The following RAP2A variants were observed in gnomAD, a reference collection of about 807,000 sequenced individuals.
The protein encoded by RAP2A is ras-related protein Rap-2a.
A neutral mutation model predicts 15.1 loss-of-function variants in RAP2A; 5 were observed. That is an observed-to-expected ratio of 0.33 (90% CI 0.17 to 0.70). RAP2A has a LOEUF of 0.70. RAP2A is among the 30% of genes least tolerant of loss of function. The pLI, the probability that RAP2A is intolerant of heterozygous loss-of-function variation, is 0.68. For missense variants in RAP2A, 111 were observed against 240.3 expected (o/e 0.46, Z 3.56); for synonymous variants, 110 against 99.7 (o/e 1.10, Z -0.62).
At chr13:97,463,115 CACAA>C (rs1289134691) in intron 1 of RAP2A, among the ~76,000 whole-genome samples, 2 of 138,828 alleles carry the variant, frequency 1.4e-5, no homozygotes, top group East Asian at 2.0e-4. Flanking sequence ...GACACACACA[CACAA>C]ACACACACAC....
At position 97,467,686 on chromosome 13, in the gene RAP2A, T is replaced by TA. The variant is rs1026634529; in HGVS notation, c.*3244_*3245insA. The TA allele has an allele frequency of 5.2e-5, 8 of 152,412 alleles. No individual in the cohort carries two copies. Among genetic ancestry groups the TA allele is most frequent in the African/African-American group, 1.4e-4 (6 of 41,488 alleles). 9.4% of individuals were successfully genotyped at this position (152,412 alleles called of 1,614,324 possible). ...TAAGGACTATGGAGGTCTTTTTTTT[T>TA]TTATTTAACATGTCATTGTTCATCT... On this transcript the variant is annotated 3_prime_UTR_variant, in exon 2 of 2. Transcript: ENST00000245304.
rs199631155 is a variant in RAP2A at position 97,442,029 on chromosome 13, CAGAG to C, written c.314+7249_314+7252del. The stretch of plus-strand genomic sequence containing the variant: ...TCATTAAAAATTATTCTCAGCCTGA[CAGAG>C]AGAAGTTTAATTTCTTAAACATCCT... On this transcript the variant is annotated intron_variant, in intron 1 of 1. Coordinates refer to ENST00000245304, the MANE Select transcript of RAP2A (RefSeq NM_021033.7). 7.5e-3 allele frequency among the ~76,000 whole-genome samples: 1,138 copies of C among 152,196 alleles called. 12 individuals carry two copies. Among genetic ancestry groups the C allele is most frequent in the Middle Eastern group, 0.024 (7 of 294 alleles).
At chr13:97,444,685 A>G (rs2066672590) in intron 1 of RAP2A, among the ~76,000 whole-genome samples, 1 of 152,186 alleles carries the variant, frequency 6.6e-6, no homozygotes, top group Admixed American at 6.5e-5. Flanking sequence ...ACAGAAATAT[A>G]TTTTTAAAGA....
rs903485954 is a variant in RAP2A at position 97,468,029 on chromosome 13, A to G, written c.*3587A>G. 4 of 152,220 alleles carry G rather than the reference A, an allele frequency of 2.6e-5. No homozygotes were observed. Among genetic ancestry groups the G allele is most frequent in the African/African-American group, 9.7e-5 (4 of 41,450 alleles). 9.4% of individuals were successfully genotyped at this position (152,220 alleles called of 1,614,324 possible). On this transcript the variant is annotated 3_prime_UTR_variant, in exon 2 of 2. Transcript: ENST00000245304. ...TTTGTTTTGTACATGCTCATGAGAG[A>G]AATGTATTATATACAAAAACAATTA...
intron 1 of RAP2A, among the ~76,000 whole-genome samples, chr13:97,452,677 G>A (rs569787042): frequency 1.4e-5 from 2 of 141,786 alleles, no homozygotes; most frequent in African/African-American, 5.0e-5. Flanking sequence ...CACAACCAAC[G>A]GAACCTTCTG....
intron 1 of RAP2A, among the ~76,000 whole-genome samples, chr13:97,447,375 A>C (rs1169684015): frequency 6.6e-6 from 1 of 152,182 alleles, no homozygotes; most frequent in African/African-American, 2.4e-5. Context: ...CTGTTTATAA[A>C]AGTAATTGAT....
intron 1 of RAP2A, among the ~76,000 whole-genome samples, chr13:97,453,374 T>G (rs2066710456): frequency 6.6e-6 from 1 of 151,240 alleles, no homozygotes; most frequent in Non-Finnish European, 1.5e-5. Flanking sequence ...CCCTCCTTCC[T>G]TCCATTCCCC....
intron 1 of RAP2A, among the ~76,000 whole-genome samples, chr13:97,442,308 GT>G (rs2153179235): frequency 6.6e-6 from 1 of 151,986 alleles, no homozygotes. Context: ...ATTTGTTTTT[GT>G]TTTTTATTTC....
chr13:97,458,816 T>C (rs1341117482), intron 1 of RAP2A, among the ~76,000 whole-genome samples: 1 of 151,994 alleles, frequency 6.6e-6, no homozygotes, highest in Non-Finnish European at 1.5e-5. Flanking sequence ...TCAAGTTCTT[T>C]TGAGTTACTG....
At position 97,464,238 on chromosome 13, in the gene RAP2A, C is replaced by T; in HGVS notation, c.348C>T (p.Asn116=). 4 of 1,614,184 alleles carry T rather than the reference C, an allele frequency of 2.5e-6. No individual in the cohort carries two copies. The highest frequency in any genetic ancestry group is 3.4e-6 in the Non-Finnish European group (4 of 1,180,032). ...AAGTGCCAGTCATCTTGGTTGGGAA[C>T]AAAGTGGACCTGGAAAGTGAGAGAG... ...YEKVPVILVG[N]KVDLESEREV... The change falls in exon 2 of 2, where the codon AAC becomes AAT. Residue 116 remains asparagine, a synonymous_variant. Transcript: ENST00000245304.
intron 1 of RAP2A, among the ~76,000 whole-genome samples, chr13:97,435,589 TTA>T (rs940622037): frequency 3.3e-5 from 5 of 150,878 alleles, no homozygotes; most frequent in Non-Finnish European, 7.4e-5. Context: ...TAATAAGCCT[TTA>T]TATATATATA....
At position 97,466,143 on chromosome 13, in the gene RAP2A, T is replaced by C. The variant is rs1236978757; in HGVS notation, c.*1701T>C. On this transcript the variant is annotated 3_prime_UTR_variant, in exon 2 of 2. Coordinates refer to ENST00000245304, the MANE Select transcript of RAP2A (RefSeq NM_021033.7). ...TTCTTTTAAATTATTAAAGTGTCTT[T>C]TATACTTTTATGAAATCATTGGTAG... 6.6e-6 allele frequency: 1 copy of C among 152,148 alleles called. No homozygotes were observed. Among genetic ancestry groups the C allele is most frequent in the Non-Finnish European group, 1.5e-5 (1 of 68,032 alleles). 9.4% of individuals were successfully genotyped at this position (152,148 alleles called of 1,614,324 possible).
chr13:97,448,724 G>GA (rs2066689907), intron 1 of RAP2A, among the ~76,000 whole-genome samples: 1 of 152,076 alleles, frequency 6.6e-6, no homozygotes, highest in Admixed American at 6.5e-5. Flanking sequence ...AATTTACCCA[G>GA]AAAAAAACTC....
At chr13:97,461,840 G>A (rs949580325) in intron 1 of RAP2A, among the ~76,000 whole-genome samples, 1 of 151,344 alleles carries the variant, frequency 6.6e-6, no homozygotes, top group African/African-American at 2.4e-5. Flanking sequence ...GTGGGCGCCT[G>A]TAGTCCCAGG....
intron 1 of RAP2A, among the ~76,000 whole-genome samples, chr13:97,438,916 C>A (rs966803194): frequency 6.6e-6 from 1 of 152,174 alleles, no homozygotes; most frequent in Non-Finnish European, 1.5e-5. Flanking sequence ...TTTCCCTAAA[C>A]ATTTTGATTT....
chr13:97,434,810 G>A (rs1211255234), intron 1 of RAP2A, 26 bp downstream of exon 1: 13 of 1,611,080 alleles, frequency 8.1e-6, no homozygotes, highest in Non-Finnish European at 1.1e-5. Context: ...CGGGGGCTTG[G>A]CGGCTGCACC....
At chr13:97,446,399 C>G (rs1018609338) in intron 1 of RAP2A, among the ~76,000 whole-genome samples, 16 of 152,132 alleles carry the variant, frequency 1.1e-4, no homozygotes, top group African/African-American at 3.9e-4. Flanking sequence ...TTTGGGTAAA[C>G]AAATCCTCAT....
In RAP2A at chr13:97,467,918, G is replaced by C. The variant is rs2066779560; in HGVS notation, c.*3476G>C. The C allele has an allele frequency of 6.6e-6, 1 of 152,546 alleles. No individual in the cohort carries two copies. Among genetic ancestry groups the C allele is most frequent in the African/African-American group, 2.4e-5 (1 of 41,422 alleles). 9.4% of individuals were successfully genotyped at this position (152,546 alleles called of 1,614,324 possible). A position where few individuals can be genotyped will look rare whatever the true frequency, so the allele number is the denominator to read the frequency against. On this transcript the variant is annotated 3_prime_UTR_variant, in exon 2 of 2. Transcript: ENST00000245304. The stretch of plus-strand genomic sequence containing the variant: ...CATTTCAATTAAAACATGAATTGTA[G>C]TTATAACTCAATGCAAATTCAACAG...
chr13:97,434,575 C>T lies in RAP2A; in HGVS notation c.105C>T (p.Thr35=), dbSNP rs747190949. The T allele has an allele frequency of 1.7e-5, 27 of 1,614,152 alleles. No individual in the cohort carries two copies. The highest frequency in any genetic ancestry group is 2.2e-5 in the Non-Finnish European group (26 of 1,180,012). ...TGTFIEKYDP[T]IEDFYRKEIE... ...CCTTCATCGAGAAATACGACCCCAC[C>T]ATCGAGGACTTCTACCGCAAGGAGA... The change falls in exon 1 of 2, where the codon ACC becomes ACT. Residue 35 remains threonine (T), a synonymous_variant. Coordinates refer to ENST00000245304, the MANE Select transcript of RAP2A (RefSeq NM_021033.7).
Sources: allele counts gnomAD v4.1 joint callset (sites outside exome capture counted in the v4.1 genomes callset), GRCh38; gene constraint gnomAD v4.1.1; transcripts MANE v1.5; gene names NCBI Gene and HGNC (gene_info 2026-07-23, HGNC 2026-07-21).